The following RBMS1 variants were observed in gnomAD, a reference collection of about 807,000 sequenced individuals.
RBMS1 encodes RNA-binding motif, single-stranded-interacting protein 1.
A neutral mutation model predicts 62.3 loss-of-function variants in RBMS1; 17 were observed. The observed-to-expected ratio is 0.27, with a 90% CI of 0.19 to 0.41. RBMS1 has a LOEUF of 0.41. Ranked by LOEUF, RBMS1 falls within the 10% of genes least tolerant of loss-of-function variation. The pLI is 1.00. For synonymous variants in RBMS1, 172 were observed against 170.0 expected (o/e 1.01, Z -0.09); for missense variants, 334 against 504.5 (o/e 0.66, Z 3.24).
At chr2:160,327,867 T>C (rs1691041637) in intron 2 of RBMS1, among the ~76,000 whole-genome samples, 2 of 152,220 alleles carry the variant, frequency 1.3e-5, no homozygotes, top group African/African-American at 4.8e-5. Context: ...GGCAATTTGA[T>C]CATAGAAAGT....
chr2:160,342,045 T>A (rs929119868), intron 2 of RBMS1, among the ~76,000 whole-genome samples: 1 of 152,206 alleles, frequency 6.6e-6, no homozygotes, highest in African/African-American at 2.4e-5. Context: ...TACTGTCATT[T>A]ACAGAAATTT....
chr2:160,357,269 A>G (rs956713104), intron 2 of RBMS1, among the ~76,000 whole-genome samples: 2 of 152,112 alleles, frequency 1.3e-5, no homozygotes, highest in East Asian at 3.9e-4. Flanking sequence ...CGGCTCCCCA[A>G]TTAACTTCTG....
At chr2:160,491,042 A>C (rs1397371045) in intron 1 of RBMS1, among the ~76,000 whole-genome samples, 1 of 151,190 alleles carries the variant, frequency 6.6e-6, no homozygotes, top group East Asian at 2.0e-4. Flanking sequence ...CTAACTACAA[A>C]TCAAAGTCTT....
intron 1 of RBMS1, among the ~76,000 whole-genome samples, chr2:160,469,917 A>G (rs1212881255): frequency 1.3e-5 from 2 of 152,250 alleles, no homozygotes; most frequent in African/African-American, 4.8e-5. Context: ...AATGATAAAG[A>G]AGATTCTTAA....
chr2:160,368,785 G>A (rs1359901251), intron 1 of RBMS1, among the ~76,000 whole-genome samples: 4 of 152,024 alleles, frequency 2.6e-5, no homozygotes, highest in Non-Finnish European at 4.4e-5. Context: ...GATTACAGAC[G>A]CACAACACCA....
intron 1 of RBMS1, among the ~76,000 whole-genome samples, chr2:160,490,581 GA>G (rs1685782448): frequency 6.6e-6 from 1 of 152,020 alleles, no homozygotes; most frequent in Non-Finnish European, 1.5e-5. Context: ...ATAAAATGTG[GA>G]AGTAACTAGT....
intron 2 of RBMS1, among the ~76,000 whole-genome samples, chr2:160,320,417 G>A (rs746649845): frequency 8.5e-5 from 13 of 152,156 alleles, no homozygotes; most frequent in Non-Finnish European, 1.9e-4. Flanking sequence ...AGGTTGCAGT[G>A]AGCCATGATC....
At chr2:160,385,312 G>C (rs368881494) in intron 1 of RBMS1, among the ~76,000 whole-genome samples, 1 of 152,170 alleles carries the variant, frequency 6.6e-6, no homozygotes, top group African/African-American at 2.4e-5. Context: ...AGAGCTTCTC[G>C]ATCCCCCTCG....
In RBMS1 at chr2:160,300,749, G is replaced by T. The variant is rs780912657; in HGVS notation, c.561-19C>A. The T allele has an allele frequency of 2.6e-6, 4 of 1,549,706 alleles. No individual in the cohort carries two copies. The highest frequency in any genetic ancestry group is 3.5e-6 in the Non-Finnish European group (4 of 1,151,522). ...TTCCATCCTATTTATAATAAAAATA[G>T]AATACATAAATATTTAAAGGTTTCT... is the stretch of plus-strand genomic sequence containing the variant. On this transcript the variant is annotated intron_variant, in intron 5 of 13. Transcript: ENST00000348849.
At chr2:160,444,719 A>ACCTTT (rs760507595) in intron 1 of RBMS1, among the ~76,000 whole-genome samples, 38 of 152,360 alleles carry the variant, frequency 2.5e-4, no homozygotes, top group Non-Finnish European at 4.7e-4. Context: ...AATTAAAGTT[A>ACCTTT]AATGAGGTCA....
At chr2:160,354,571 G>T (rs1310629201) in intron 2 of RBMS1, among the ~76,000 whole-genome samples, 1 of 152,094 alleles carries the variant, frequency 6.6e-6, no homozygotes, top group Non-Finnish European at 1.5e-5. Context: ...TTTGTTTCGA[G>T]GACCACAAAT....
At chr2:160,453,068 G>T (rs1216267217) in intron 1 of RBMS1, among the ~76,000 whole-genome samples, 1 of 150,610 alleles carries the variant, frequency 6.6e-6, no homozygotes, top group South Asian at 2.1e-4. Context: ...GGTGATTGTT[G>T]TGTGTTTCTG....
intron 1 of RBMS1, among the ~76,000 whole-genome samples, chr2:160,375,716 C>G (rs1023511734): frequency 2.1e-4 from 32 of 152,042 alleles, no homozygotes; most frequent in African/African-American, 7.7e-4. Context: ...ACGCAGTAAA[C>G]ACAAAATCCC....
At chr2:160,359,557 C>T (rs1307939545) in intron 2 of RBMS1, among the ~76,000 whole-genome samples, 1 of 152,110 alleles carries the variant, frequency 6.6e-6, no homozygotes, top group Non-Finnish European at 1.5e-5. Flanking sequence ...TAAGGGCTCT[C>T]CTATTTCAGG....
intron 1 of RBMS1, among the ~76,000 whole-genome samples, chr2:160,412,048 T>A (rs1696058790): frequency 6.6e-6 from 1 of 152,188 alleles, no homozygotes; most frequent in Non-Finnish European, 1.5e-5. Flanking sequence ...AGAAGTTAGG[T>A]GTTGGAGAAG....
chr2:160,316,741 C>T (rs940452354), intron 3 of RBMS1, among the ~76,000 whole-genome samples: 5 of 152,032 alleles, frequency 3.3e-5, no homozygotes, highest in South Asian at 2.1e-4. Context: ...CACACTGAGC[C>T]GACATTAAGA....
Position 160,451,359 on chromosome 2 carries a change from C to T in RBMS1, c.75+41930G>A, listed in dbSNP as rs535912481. Among the ~76,000 whole-genome samples the T allele has an allele frequency of 9.9e-5, 15 of 152,060 alleles. No homozygotes were observed. In the East Asian group the frequency reaches 2.1e-3, roughly 22 times the overall value. Reference sequence around the variant, plus strand: ...CCTGATGAGTGTTCACCTTCCAGTGCCTTCATAGTTTTTATCTCCTTTGAT... The same window carrying T: ...CCTGATGAGTGTTCACCTTCCAGTGTCTTCATAGTTTTTATCTCCTTTGAT... On this transcript the variant is annotated intron_variant, in intron 1 of 13. Coordinates refer to ENST00000348849, the MANE Select transcript of RBMS1 (RefSeq NM_016836.4).
chr2:160,367,891 T>A (rs1260727116), intron 1 of RBMS1, among the ~76,000 whole-genome samples: 1 of 152,186 alleles, frequency 6.6e-6, no homozygotes, highest in Non-Finnish European at 1.5e-5. Flanking sequence ...CTCACCTAGT[T>A]CTAAGACAGG....
At chr2:160,476,744 C>T (rs572684832) in intron 1 of RBMS1, among the ~76,000 whole-genome samples, 8 of 151,500 alleles carry the variant, frequency 5.3e-5, no homozygotes, top group Admixed American at 5.3e-4. Context: ...TCAGTAGAGA[C>T]GGGGTTTCAC....
Sources: allele counts gnomAD v4.1 joint callset (sites outside exome capture counted in the v4.1 genomes callset), GRCh38; gene constraint gnomAD v4.1.1; transcripts MANE v1.5; gene names NCBI Gene and HGNC (gene_info 2026-07-23, HGNC 2026-07-21).